TNNI1: variants seen among roughly 807,000 people sequenced by gnomAD.
The protein encoded by TNNI1 is troponin I, slow skeletal muscle.
TNNI1 carries 14 observed loss-of-function variants against 26.7 expected under a neutral mutation model. That is an observed-to-expected ratio of 0.52 (90% CI 0.35 to 0.82). The LOEUF (loss-of-function observed/expected upper bound fraction) is 0.82. Ranked by LOEUF, TNNI1 falls within the 40% of genes least tolerant of loss-of-function variation. The probability of loss-of-function intolerance (pLI) is 0.01; values close to 1 mark genes in which losing one functional copy is unlikely to be tolerated. For synonymous variants in TNNI1, 79 were observed against 98.2 expected, an observed-to-expected ratio of 0.80 and a Z score of 1.16; for missense variants, 164 against 257.0, an observed-to-expected ratio of 0.64 and a Z score of 2.47.
chr1:201,415,675 C>T (rs1469140889), intron 3 of TNNI1, among the ~76,000 whole-genome samples: 4 of 152,138 alleles, frequency 2.6e-5, no homozygotes, highest in Non-Finnish European at 5.9e-5. Flanking sequence ...TTTCACACTC[C>T]AGGTAGTAAT....
intron 3 of TNNI1, among the ~76,000 whole-genome samples, chr1:201,416,089 G>A (rs535279019): frequency 1.3e-5 from 2 of 152,284 alleles, no homozygotes; most frequent in South Asian, 4.1e-4. Context: ...AGGGTGTCAA[G>A]TAGAAGTGAT....
At chr1:201,412,502 G>A (rs546883730) in intron 6 of TNNI1, among the ~76,000 whole-genome samples, 14 of 152,264 alleles carry the variant, frequency 9.2e-5, no homozygotes, top group Non-Finnish European at 1.6e-4. Flanking sequence ...CTGGAGCAGG[G>A]TCTGGGTGGA....
intron 1 of TNNI1, 59 bp downstream of exon 1, chr1:201,421,614 C>T (rs1305347233): frequency 1.3e-5 from 2 of 152,200 alleles, no homozygotes; most frequent in African/African-American, 4.8e-5. Flanking sequence ...TAAACAAAAG[C>T]CCCAGGTTCT....
rs1468544028 is a variant in TNNI1, at chr1:201,419,664, T to C, written c.-19-1852A>G. Among the ~76,000 whole-genome samples, 5 of 152,226 alleles carry C rather than the reference T, an allele frequency of 3.3e-5. No homozygotes were observed. In the East Asian group the frequency reaches 7.7e-4, roughly 23 times the overall value. On this transcript the variant is annotated intron_variant, in intron 1 of 8. Transcript: ENST00000361379. Reference sequence around the variant, plus strand: ...ATTCTCTCCTTTCCCTTTGTGCCCATGAAGCACTATCCCAACCCCAATGAA... The same window carrying C: ...ATTCTCTCCTTTCCCTTTGTGCCCACGAAGCACTATCCCAACCCCAATGAA...
chr1:201,412,692 A>G (rs1026501859), intron 6 of TNNI1, among the ~76,000 whole-genome samples: 1 of 152,250 alleles, frequency 6.6e-6, no homozygotes, highest in Non-Finnish European at 1.5e-5. Context: ...CAGGCCTATA[A>G]GGAGGATCAA....
At chr1:201,417,719 G>A in intron 2 of TNNI1, 64 bp downstream of exon 2, 3 of 1,294,720 alleles carry the variant, frequency 2.3e-6, no homozygotes, top group Non-Finnish European at 3.0e-6. Flanking sequence ...TCCACTGCGG[G>A]GCTGAAGTCT....
intron 1 of TNNI1, among the ~76,000 whole-genome samples, chr1:201,419,419 G>C (rs1662817044): frequency 6.6e-6 from 1 of 152,226 alleles, no homozygotes; most frequent in Non-Finnish European, 1.5e-5. Flanking sequence ...CTGAGGTGGA[G>C]AGCAGGTGTG....
chr1:201,417,099 C>A lies in TNNI1; in HGVS notation c.15+17G>T, dbSNP rs757497567. 1.6e-5 allele frequency: 26 copies of A among 1,614,014 alleles called. 1 individual carries two copies. The South Asian group carries it at 2.6e-4, about 16-fold the overall frequency. On this transcript the variant is annotated intron_variant, in intron 3 of 8. Coordinates refer to ENST00000361379, the MANE Select transcript of TNNI1 (RefSeq NM_003281.4). ...GTTAGAGTTAACCAAGACAGAGATA[C>A]CCCAAATATCACTTACCTCGCTTCA...
intron 4 of TNNI1, 125 bp downstream of exon 4, chr1:201,415,088 T>TCTGC: frequency 4.6e-6 from 4 of 873,594 alleles, no homozygotes; most frequent in Non-Finnish European, 7.3e-6. Flanking sequence ...CTCCTGCCCC[T>TCTGC]CATCATCCTC....
At chr1:201,417,912 C>A in intron 1 of TNNI1, 100 bp from the exon 2 acceptor site, 3 of 896,804 alleles carry the variant, frequency 3.3e-6, no homozygotes, top group Non-Finnish European at 4.6e-6. Flanking sequence ...AGTCAGAACA[C>A]AAAAGGAAGA....
chr1:201,412,305 C>T (rs921726849), intron 6 of TNNI1, among the ~76,000 whole-genome samples: 1 of 152,156 alleles, frequency 6.6e-6, no homozygotes, highest in African/African-American at 2.4e-5. Context: ...GGTCCTAGAC[C>T]CCTGGAGGAA....
intron 8 of TNNI1, 138 bp from the exon 9 acceptor site, chr1:201,409,388 G>A (rs572434905): frequency 1.3e-5 from 2 of 152,508 alleles, no homozygotes; most frequent in Non-Finnish European, 2.9e-5. Flanking sequence ...TCATTCATAA[G>A]GGCTCCTACA....
At chr1:201,415,580 C>A (rs1040965115) in intron 3 of TNNI1, among the ~76,000 whole-genome samples, 9 of 152,070 alleles carry the variant, frequency 5.9e-5, no homozygotes, top group African/African-American at 1.9e-4. Flanking sequence ...TTAGGACCCC[C>A]CCCCTTACTT....
intron 3 of TNNI1, among the ~76,000 whole-genome samples, chr1:201,416,658 C>T (rs888009289): frequency 6.6e-6 from 1 of 152,190 alleles, no homozygotes; most frequent in African/African-American, 2.4e-5. Context: ...GATTTAAGGA[C>T]ATCTCTTTGC....
Position 201,414,598 on chromosome 1 carries a change from G to T in TNNI1, c.109C>A (p.Arg37Ser), listed in dbSNP as rs763864468. 2 of 1,613,822 alleles carry T rather than the reference G, an allele frequency of 1.2e-6. No individual in the cohort carries two copies. The highest frequency in any genetic ancestry group is 1.7e-6 in the Non-Finnish European group (2 of 1,180,016). The stretch of plus-strand genomic sequence containing the variant: ...AGGTAGCGCACCTTCTCAGCCTCGC[G>T]CTCCTCGTGCTCCTGCTCCCAGCAT... ...KECWEQEHEE[R>S]EAEKVRYLAE... Residue 37 changes from arginine (R) to serine (S), a missense_variant, in exon 5 of 9, where the codon CGC (arginine) becomes AGC (serine). By Grantham distance (110) the Arg-to-Ser change is moderately radical. Around this residue, in one of 3 missense-constraint regions of TNNI1, gnomAD observed 117 missense variants for 158.7 expected, o/e 0.74. Transcript: ENST00000361379.
chr1:201,412,694 G>A (rs1428160637), intron 6 of TNNI1, among the ~76,000 whole-genome samples: 1 of 152,210 alleles, frequency 6.6e-6, no homozygotes, highest in African/African-American at 2.4e-5. Context: ...GGCCTATAAG[G>A]AGGATCAAAG....
At chr1:201,412,476 G>A (rs199638411) in intron 6 of TNNI1, among the ~76,000 whole-genome samples, 1 of 152,058 alleles carries the variant, frequency 6.6e-6, no homozygotes, top group Non-Finnish European at 1.5e-5. Flanking sequence ...GTCCTTCTCT[G>A]CTCTGCCCCT....
intron 1 of TNNI1, among the ~76,000 whole-genome samples, chr1:201,420,683 C>T (rs2102374932): frequency 6.6e-6 from 1 of 152,200 alleles, no homozygotes; most frequent in African/African-American, 2.4e-5. Flanking sequence ...CATGTGCTTC[C>T]CCCTGCTCCC....
At position 201,404,470 on chromosome 1, in the gene TNNI1, T is replaced by C. The variant is rs1662477733; in HGVS notation, c.*4783A>G. ...CTGGCTTTCGGTTTTTACAAACTAA[T>C]AATATTGTGTAATATAAATACTGAC... On this transcript the variant is annotated 3_prime_UTR_variant, in exon 9 of 9. Coordinates refer to ENST00000361379, the MANE Select transcript of TNNI1 (RefSeq NM_003281.4). The C allele has an allele frequency of 6.6e-6, 1 of 152,212 alleles. No homozygotes were observed. The highest frequency in any genetic ancestry group is 1.5e-5 in the Non-Finnish European group (1 of 68,032). 9.4% of individuals were successfully genotyped at this position (152,212 alleles called of 1,614,324 possible).
Sources: gnomAD v4.1 joint callset for allele counts (sites outside exome capture counted in the v4.1 genomes callset) on GRCh38, gnomAD v4.1.1 for gene constraint, gnomAD v4.1.1 regional missense constraint, MANE v1.5 for transcripts, NCBI Gene and HGNC (gene_info 2026-07-23, HGNC 2026-07-21) for gene names.